Variants in HECW2 observed in about 807,000 individuals in gnomAD.
HECW2 encodes HECT, C2 and WW domain containing E3 ubiquitin protein ligase 2, also known as E3 ubiquitin-protein ligase HECW2.
In HECW2, 61 loss-of-function variants were observed where a neutral mutation model predicts 175.2. The ratio of observed to expected loss-of-function variants is 0.35; its 90% confidence interval spans 0.28 to 0.43. The LOEUF (loss-of-function observed/expected upper bound fraction) is 0.43, where lower values mean the gene tolerates loss of function less well. Ranked by LOEUF, HECW2 falls within the 20% of genes least tolerant of loss-of-function variation. HECW2 has a pLI of 1.00. For synonymous variants in HECW2, 671 were observed against 731.0 expected, an observed-to-expected ratio of 0.92 and a Z score of 1.32; for missense variants, 1,524 against 2,000.5, an observed-to-expected ratio of 0.76 and a Z score of 4.54.
intron 1 of HECW2, among the ~76,000 whole-genome samples, chr2:196,489,226 T>G (rs912367057): frequency 6.6e-6 from 1 of 152,232 alleles, no homozygotes; most frequent in Admixed American, 6.5e-5. Flanking sequence ...GAACATATTT[T>G]TAAATAGTGC....
rs375745931 is a variant in HECW2, at chr2:196,271,180, A to G, written c.3335+13T>C. 2.0e-6 allele frequency: 3 copies of G among 1,489,262 alleles called. No homozygotes were observed. The highest frequency in any genetic ancestry group is 1.1e-5 in the South Asian group (1 of 88,164). The allele number at this position is 1,489,262 out of a possible 1,614,324, so 92.3% of individuals were successfully genotyped here. ...CTTATGCAACTTGAACCAAATACCAATATTATTGTTACCTGAGTGAGTGAT... is the reference window on the plus strand; with the variant it reads ...CTTATGCAACTTGAACCAAATACCAGTATTATTGTTACCTGAGTGAGTGAT... On this transcript the variant is annotated intron_variant, in intron 17 of 28. Coordinates refer to ENST00000644978, the MANE Select transcript of HECW2 (RefSeq NM_001348768.2).
intron 1 of HECW2, among the ~76,000 whole-genome samples, chr2:196,488,654 A>ACC (rs1553523769): frequency 4.6e-5 from 7 of 151,690 alleles, no homozygotes; most frequent in African/African-American, 1.7e-4. Context: ...ACACACACAC[A>ACC]CCCCACATAA....
intron 19 of HECW2, among the ~76,000 whole-genome samples, chr2:196,253,253 A>C (rs541823069): frequency 3.3e-5 from 5 of 152,234 alleles, no homozygotes; most frequent in Non-Finnish European, 5.9e-5. Context: ...TTAAAGTGTG[A>C]ACAATGCACT....
intron 2 of HECW2, among the ~76,000 whole-genome samples, chr2:196,357,293 G>A (rs1477925188): frequency 6.9e-6 from 1 of 145,198 alleles, no homozygotes; most frequent in Non-Finnish European, 1.5e-5. Flanking sequence ...ACCCAATCTC[G>A]CACTCTTCAG....
intron 1 of HECW2, among the ~76,000 whole-genome samples, chr2:196,530,136 T>C (rs948064412): frequency 1.3e-5 from 2 of 152,222 alleles, no homozygotes; most frequent in Non-Finnish European, 2.9e-5. Flanking sequence ...TGAATAGACT[T>C]GTCCTCTTTA....
At chr2:196,384,986 A>G (rs1008074280) in intron 2 of HECW2, among the ~76,000 whole-genome samples, 1 of 152,002 alleles carries the variant, frequency 6.6e-6, no homozygotes, top group African/African-American at 2.4e-5. Context: ...GCACAATCAC[A>G]GCTCACTGCA....
chr2:196,204,797 A>G (rs1687009413), intron 28 of HECW2, among the ~76,000 whole-genome samples: 1 of 152,224 alleles, frequency 6.6e-6, no homozygotes, highest in Non-Finnish European at 1.5e-5. Flanking sequence ...GATACAGTAG[A>G]ATCATCTATC....
intron 2 of HECW2, among the ~76,000 whole-genome samples, chr2:196,385,984 T>C (rs111435879): frequency 2.6e-3 from 400 of 152,272 alleles, no homozygotes; most frequent in African/African-American, 8.4e-3. Flanking sequence ...CATACACCAA[T>C]GTGCCACCTC....
intron 1 of HECW2, among the ~76,000 whole-genome samples, chr2:196,475,830 G>A (rs148588992): frequency 1.3e-5 from 2 of 152,350 alleles, no homozygotes; most frequent in Non-Finnish European, 1.5e-5. Flanking sequence ...GCCCACTTCC[G>A]GCATCAGAAG....
At position 196,318,846 on chromosome 2, in the gene HECW2, C is replaced by T. The variant is rs149635005; in HGVS notation, c.2044G>A (p.Gly682Arg). The change falls in exon 9 of 29, where the codon GGA (glycine) becomes AGA (arginine). Residue 682 changes from glycine to arginine, a missense_variant. This residue lies in a region of HECW2 where 604 missense variants were observed against 588.3 expected (regional missense o/e 1.03). Coordinates refer to ENST00000644978, the MANE Select transcript of HECW2 (RefSeq NM_001348768.2). ...CTGGTGGGCTCTGCTGCACAGGCTC[C>T]GTCTTCCTCCTCCTGAGAAGAAAAG... ...PAFSSQEEED[G>R]ACAAEPTSSG... The T allele has an allele frequency of 2.1e-5, 33 of 1,549,500 alleles. No homozygotes were observed. Among genetic ancestry groups the T allele is most frequent in the East Asian group, 1.8e-4 (8 of 44,322 alleles).
intron 2 of HECW2, among the ~76,000 whole-genome samples, chr2:196,411,918 G>A (rs1012082259): frequency 1.3e-5 from 2 of 152,328 alleles, no homozygotes; most frequent in East Asian, 1.9e-4. Context: ...GCTGAAGCAG[G>A]AGAATCAGTT....
intron 1 of HECW2, among the ~76,000 whole-genome samples, chr2:196,444,596 T>C (rs1194078151): frequency 6.6e-6 from 1 of 152,160 alleles, no homozygotes; most frequent in Non-Finnish European, 1.5e-5. Flanking sequence ...AGCCAATCTA[T>C]CTACTCTCTC....
intron 1 of HECW2, among the ~76,000 whole-genome samples, chr2:196,507,781 G>T (rs565874048): frequency 6.6e-6 from 1 of 152,284 alleles, no homozygotes; most frequent in South Asian, 2.1e-4. Flanking sequence ...GTCATGATTG[G>T]GAGAGAGAAT....
chr2:196,542,055 A>C (rs1689234601), intron 1 of HECW2, among the ~76,000 whole-genome samples: 1 of 152,058 alleles, frequency 6.6e-6, no homozygotes, highest in Non-Finnish European at 1.5e-5. Context: ...CGAGGTCAGG[A>C]GTTCGAGACC....
intron 1 of HECW2, 82 bp from the exon 2 acceptor site, chr2:196,433,540 A>G (rs1040542297): frequency 9.9e-7 from 1 of 1,015,182 alleles, no homozygotes. Context: ...AAAGCCTTAA[A>G]GGGTGTTTAA....
At chr2:196,343,075 T>TGG (rs559228606) in intron 3 of HECW2, among the ~76,000 whole-genome samples, 297 of 150,308 alleles carry the variant, frequency 2.0e-3, no homozygotes, top group African/African-American at 6.8e-3. Context: ...TATGTTTGTG[T>TGG]GTGTGTGTGT....
At chr2:196,332,128 T>C (rs1280266737) in intron 4 of HECW2, among the ~76,000 whole-genome samples, 1 of 148,854 alleles carries the variant, frequency 6.7e-6, no homozygotes, top group Non-Finnish European at 1.5e-5. Flanking sequence ...TTCATCGCAA[T>C]AGGATACGTG....
In HECW2 at chr2:196,199,094, G is replaced by A. The variant is rs913204773; in HGVS notation, c.*2183C>T. The A allele has an allele frequency of 6.6e-6, 1 of 152,446 alleles. No individual in the cohort carries two copies. Among genetic ancestry groups the A allele is most frequent in the Non-Finnish European group, 1.5e-5 (1 of 67,998 alleles). 9.4% of individuals were successfully genotyped at this position (152,446 alleles called of 1,614,324 possible). On this transcript the variant is annotated 3_prime_UTR_variant, in exon 29 of 29. Coordinates refer to ENST00000644978, the MANE Select transcript of HECW2 (RefSeq NM_001348768.2). ...TCAAACCAAAATGAAGGATAACATG[G>A]TCTTTGAATGTATTTTTGAAAGAAA... is the stretch of plus-strand genomic sequence containing the variant.
In HECW2 at chr2:196,222,198, C is replaced by A; in HGVS notation, c.4146+13G>T. On this transcript the variant is annotated intron_variant, in intron 24 of 28. Coordinates refer to ENST00000644978, the MANE Select transcript of HECW2 (RefSeq NM_001348768.2). The stretch of plus-strand genomic sequence containing the variant: ...TTACCACACTTAGGCGCCAGGTGTG[C>A]AGATACACACACCTGCCCAAATACT... 2 of 1,610,460 alleles carry A rather than the reference C, an allele frequency of 1.2e-6. No individual in the cohort carries two copies. Among genetic ancestry groups the A allele is most frequent in the Non-Finnish European group, 1.7e-6 (2 of 1,178,060 alleles).
Sources: allele counts gnomAD v4.1 joint callset (sites outside exome capture counted in the v4.1 genomes callset), GRCh38; gene constraint gnomAD v4.1.1; regional missense constraint gnomAD v4.1.1; transcripts MANE v1.5; gene names NCBI Gene and HGNC (gene_info 2026-07-23, HGNC 2026-07-21).